Variants in KCNK3 observed in about 807,000 individuals in gnomAD.
KCNK3 encodes the protein potassium channel subfamily K member 3.
Under a neutral mutation model 27.3 loss-of-function variants are expected in KCNK3, and 9 were observed. That is an observed-to-expected ratio of 0.33 (90% CI 0.20 to 0.57). KCNK3 has a LOEUF of 0.57. Among genes scored for constraint, KCNK3 ranks in the 20% least tolerant of loss-of-function variants. The probability of loss-of-function intolerance (pLI) is 0.87; values close to 1 mark genes in which losing one functional copy is unlikely to be tolerated. For synonymous variants in KCNK3, 278 were observed against 273.8 expected (o/e 1.02, Z -0.15); for missense variants, 391 against 577.7 (o/e 0.68, Z 3.31).
At chr2:26,700,813 T>A (rs911422118) in intron 1 of KCNK3, among the ~76,000 whole-genome samples, 10 of 152,038 alleles carry the variant, frequency 6.6e-5, no homozygotes, top group African/African-American at 2.4e-4. Flanking sequence ...TCTCTCACTC[T>A]GTCTGTCTCT....
chr2:26,694,585 C>A (rs1258950337), intron 1 of KCNK3, among the ~76,000 whole-genome samples: 3 of 152,024 alleles, frequency 2.0e-5, no homozygotes, highest in African/African-American at 7.3e-5. Flanking sequence ...AGGAAAGGGC[C>A]CTGGGAGTGG....
At position 26,727,848 on chromosome 2, in the gene KCNK3, C is replaced by G. The variant is rs763917048; in HGVS notation, c.465C>G (p.Ser155=). ...TGGGCATGCGGCGCGCCGACGTGTC[C>G]ATGGCCAACATGGTGCTCATCGGCT... ...KGLGMRRADV[S]MANMVLIGFF... is the part of the protein sequence containing the mutation. The change falls in exon 2 of 2, where the codon TCC becomes TCG. Residue 155 remains serine (S), a synonymous_variant. Coordinates refer to ENST00000302909, the MANE Select transcript of KCNK3 (RefSeq NM_002246.3). The G allele has an allele frequency of 5.6e-6, 9 of 1,613,684 alleles. No homozygotes were observed. The highest frequency in any genetic ancestry group is 7.6e-6 in the Non-Finnish European group (9 of 1,179,626).
chr2:26,714,081 A>G (rs979743232), intron 1 of KCNK3, among the ~76,000 whole-genome samples: 33 of 152,096 alleles, frequency 2.2e-4, no homozygotes, highest in African/African-American at 8.0e-4. Context: ...TGTCTTGAAA[A>G]AAAAAAAAGA....
At chr2:26,720,721 G>T (rs752337334) in intron 1 of KCNK3, among the ~76,000 whole-genome samples, 102 of 152,276 alleles carry the variant, frequency 6.7e-4, no homozygotes, top group Middle Eastern at 3.4e-3. Context: ...TGGGGGTAGT[G>T]GGGGGAAGAG....
chr2:26,700,758 C>G (rs1000815165), intron 1 of KCNK3, among the ~76,000 whole-genome samples: 10 of 152,150 alleles, frequency 6.6e-5, no homozygotes, highest in African/African-American at 2.4e-4. Context: ...CCATCATCAT[C>G]ATCATCACCA....
At position 26,693,201 on chromosome 2, in the gene KCNK3, G is replaced by A; in HGVS notation, c.283+43G>A. 1 of 1,427,032 alleles carries A rather than the reference G, an allele frequency of 7.0e-7. No individual in the cohort carries two copies. Among genetic ancestry groups the A allele is most frequent in the Non-Finnish European group, 9.3e-7 (1 of 1,074,116 alleles). 88.4% of individuals were successfully genotyped at this position (1,427,032 alleles called of 1,614,324 possible). A position where few individuals can be genotyped will look rare whatever the true frequency, so the allele number is the denominator to read the frequency against. Reference sequence around the variant, plus strand: ...GGGGGGCGGGAACCCAGGGCTGGGCGCGGGGCTCCGGGAGTCGTCCGGGGC... The same window carrying A: ...GGGGGGCGGGAACCCAGGGCTGGGCACGGGGCTCCGGGAGTCGTCCGGGGC... On this transcript the variant is annotated intron_variant, in intron 1 of 1. Transcript: ENST00000302909. The surrounding 1 kb of genome is among the most constrained non-coding windows in gnomAD (Gnocchi z 5.5).
At chr2:26,720,145 C>T (rs1663301854) in intron 1 of KCNK3, among the ~76,000 whole-genome samples, 1 of 152,192 alleles carries the variant, frequency 6.6e-6, no homozygotes, top group South Asian at 2.1e-4. Context: ...GTCACAGCTA[C>T]TCGGGAGGCT....
chr2:26,700,231 C>T (rs1452415886), intron 1 of KCNK3, among the ~76,000 whole-genome samples: 1 of 152,252 alleles, frequency 6.6e-6, no homozygotes, highest in Non-Finnish European at 1.5e-5. Context: ...CTCCGCCAGC[C>T]TCTGGTCCTC....
intron 1 of KCNK3, among the ~76,000 whole-genome samples, chr2:26,698,807 A>G (rs564006352): frequency 8.1e-4 from 124 of 152,216 alleles, no homozygotes; most frequent in African/African-American, 2.7e-3. Flanking sequence ...GCAGAAAGCT[A>G]GCAAGGGGCT....
chr2:26,728,659 G>A lies in KCNK3; in HGVS notation c.*91G>A, dbSNP rs890491608. 2.7e-6 allele frequency: 3 copies of A among 1,124,770 alleles called. No individual in the cohort carries two copies. The highest frequency in any genetic ancestry group is 1.6e-5 in the African/African-American group (1 of 60,858). 69.7% of individuals were successfully genotyped at this position (1,124,770 alleles called of 1,614,324 possible). A position where few individuals can be genotyped will look rare whatever the true frequency, so the allele number is the denominator to read the frequency against. ...CTGCCCCTGCTGCCTTCTGCCCAGTGGGACCCCGCACAACATCCCTCACCA... is the reference window on the plus strand; with the variant it reads ...CTGCCCCTGCTGCCTTCTGCCCAGTAGGACCCCGCACAACATCCCTCACCA... On this transcript the variant is annotated 3_prime_UTR_variant, in exon 2 of 2. Transcript: ENST00000302909.
intron 1 of KCNK3, among the ~76,000 whole-genome samples, chr2:26,712,418 G>A (rs1558599432): frequency 6.6e-6 from 1 of 152,190 alleles, no homozygotes; most frequent in African/African-American, 2.4e-5. Context: ...TAGCCTCCTA[G>A]AAGAGTCTGT....
Position 26,698,979 on chromosome 2 carries a change from C to T in KCNK3, c.283+5821C>T, listed in dbSNP as rs149041990. On this transcript the variant is annotated intron_variant, in intron 1 of 1. Transcript: ENST00000302909. ...ATCGCGTGAGGTCAGGAGTTCAAGA[C>T]CAGCCTGGTCAACAATGGTGAAACC... Among the ~76,000 whole-genome samples the T allele has an allele frequency of 7.7e-3, 1,167 of 152,100 alleles. 13 individuals carry two copies. Among genetic ancestry groups the T allele is most frequent in the African/African-American group, 0.027 (1,126 of 41,468 alleles).
intron 1 of KCNK3, among the ~76,000 whole-genome samples, chr2:26,717,988 A>G (rs1663262233): frequency 6.6e-6 from 1 of 152,156 alleles, no homozygotes; most frequent in South Asian, 2.1e-4. Flanking sequence ...TGGGGCTTAC[A>G]GTTTCACCCA....
chr2:26,711,637 G>C (rs889020671), intron 1 of KCNK3, among the ~76,000 whole-genome samples: 2 of 152,200 alleles, frequency 1.3e-5, no homozygotes, highest in Admixed American at 1.3e-4. Flanking sequence ...CTCCGTTACT[G>C]CATCTTCAAA....
At chr2:26,698,609 C>T (rs146961587) in intron 1 of KCNK3, among the ~76,000 whole-genome samples, 1 of 152,106 alleles carries the variant, frequency 6.6e-6, no homozygotes, top group African/African-American at 2.4e-5. Context: ...GCTCTGTCTC[C>T]CAAGGGTTAC....
chr2:26,716,861 C>G (rs1234991021), intron 1 of KCNK3, among the ~76,000 whole-genome samples: 2 of 152,216 alleles, frequency 1.3e-5, no homozygotes, highest in African/African-American at 4.8e-5. Context: ...TCTCAGGGAG[C>G]TGGCGTGGCT....
Position 26,728,331 on chromosome 2 carries a change from G to C in KCNK3, c.948G>C (p.Lys316Asn), listed in dbSNP as rs754539196. The C allele has an allele frequency of 5.0e-6, 8 of 1,604,138 alleles. No homozygotes were observed. Among genetic ancestry groups the C allele is most frequent in the Middle Eastern group, 1.7e-4 (1 of 6,056 alleles). ...CCATGTGCTCGTGCCTGTGGTACAA[G>C]AGCCGCGAGAAGCTGCAGTACTCCA... is the stretch of plus-strand genomic sequence containing the variant. ...FQSMCSCLWYKSREKLQYSIP... is the reference protein window; with the variant it reads ...FQSMCSCLWYNSREKLQYSIP... The change falls in exon 2 of 2, where the codon AAG becomes AAC. Residue 316 changes from lysine (K) to asparagine (N), a missense_variant. By Grantham distance (94) the Lys-to-Asn change is moderately conservative. Coordinates refer to ENST00000302909, the MANE Select transcript of KCNK3 (RefSeq NM_002246.3).
intron 1 of KCNK3, among the ~76,000 whole-genome samples, chr2:26,715,347 C>T (rs1023667214): frequency 3.3e-5 from 5 of 152,222 alleles, no homozygotes; most frequent in Admixed American, 6.5e-5. Context: ...ATTATTACTA[C>T]GGCTGCTTTT....
rs1391882761 is a variant in KCNK3 at position 26,730,256 on chromosome 2, G to A, written c.*1688G>A. 1.3e-5 allele frequency: 2 copies of A among 152,220 alleles called. No homozygotes were observed. Among genetic ancestry groups the A allele is most frequent in the Non-Finnish European group, 2.9e-5 (2 of 68,048 alleles). 9.4% of individuals were successfully genotyped at this position (152,220 alleles called of 1,614,324 possible). A position where few individuals can be genotyped will look rare whatever the true frequency, so the allele number is the denominator to read the frequency against. ...GCATATCCTATGGGACATCACACCTGGCACCATTGTCATTGTTGGTGCCTG... is the reference window on the plus strand; with the variant it reads ...GCATATCCTATGGGACATCACACCTAGCACCATTGTCATTGTTGGTGCCTG... On this transcript the variant is annotated 3_prime_UTR_variant, in exon 2 of 2. Transcript: ENST00000302909.
Sources: allele counts gnomAD v4.1 joint callset (sites outside exome capture counted in the v4.1 genomes callset), GRCh38; gene constraint gnomAD v4.1.1; non-coding constraint Gnocchi (gnomAD v3.1); transcripts MANE v1.5; gene names NCBI Gene and HGNC (gene_info 2026-07-23, HGNC 2026-07-21).